ZDHHC11B: variants seen among roughly 807,000 people sequenced by gnomAD.
ZDHHC11B encodes probable palmitoyltransferase ZDHHC11B.
In ZDHHC11B, 17 loss-of-function variants were observed where a neutral mutation model predicts 42.3. The ratio of observed to expected loss-of-function variants is 0.40; its 90% CI spans 0.27 to 0.60. ZDHHC11B has a LOEUF of 0.60. Among genes scored for constraint, ZDHHC11B ranks in the 20% least tolerant of loss-of-function variants. ZDHHC11B has a pLI of 0.41. For synonymous variants in ZDHHC11B, 123 were observed against 193.5 expected, an observed-to-expected ratio of 0.64 and a Z score of 3.02; for missense variants, 262 against 463.2, an observed-to-expected ratio of 0.57 and a Z score of 3.99.
At chr5:763,537 A>G (rs543211041) in intron 4 of ZDHHC11B, among the ~76,000 whole-genome samples, 3 of 151,956 alleles carry the variant, frequency 2.0e-5, no homozygotes, top group African/African-American at 7.2e-5. Context: ...AGCCAAGTCT[A>G]GACTGAGGGG....
At chr5:712,425 G>A (rs1741439708) in intron 13 of ZDHHC11B, 143 bp from the exon 14 acceptor site, 1 of 147,780 alleles carries the variant, frequency 6.8e-6, no homozygotes, top group Non-Finnish European at 1.5e-5. Context: ...TCATCACCTT[G>A]GCTTAGACAC....
At position 767,485 on chromosome 5, in the gene ZDHHC11B, T is replaced by C. The variant is rs1034496532; in HGVS notation, c.-94A>G. 2.0e-6 allele frequency: 3 copies of C among 1,529,486 alleles called. No individual in the cohort carries two copies. In the Middle Eastern group the frequency reaches 5.2e-4, roughly 264 times the overall value. The allele number at this position is 1,529,486 out of a possible 1,614,324, so 94.7% of individuals were successfully genotyped here. On this transcript the variant is annotated 5_prime_UTR_variant, in exon 3 of 14. Transcript: ENST00000508859. ...CAAGTCGCCAAATGCTGAATTATTC[T>C]GCATCGAAAGCGCAGTAGTGGCACT...
chr5:720,480 A>T (rs1742099594), intron 12 of ZDHHC11B, among the ~76,000 whole-genome samples: 1 of 151,842 alleles, frequency 6.6e-6, no homozygotes, highest in Non-Finnish European at 1.5e-5. Context: ...ATAGACAAAA[A>T]TTGAGAGAAT....
intron 12 of ZDHHC11B, 52 bp downstream of exon 12, chr5:730,382 T>G: frequency 6.4e-7 from 1 of 1,550,556 alleles, no homozygotes; most frequent in Non-Finnish European, 8.7e-7. Context: ...TAATTTGAGT[T>G]CAGGCAAGTG....
chr5:746,295 G>T (rs1744807563), intron 8 of ZDHHC11B, among the ~76,000 whole-genome samples: 1 of 146,754 alleles, frequency 6.8e-6, no homozygotes, highest in South Asian at 2.4e-4. Flanking sequence ...GGGCACCCTG[G>T]GGAGCTGCCT....
intron 8 of ZDHHC11B, among the ~76,000 whole-genome samples, chr5:745,555 G>A (rs568962889): frequency 0.012 from 1,839 of 148,876 alleles, 28 homozygotes; most frequent in Non-Finnish European, 0.018. Context: ...AGGCCCCCCC[G>A]CCTGCCAAGG....
intron 1 of ZDHHC11B, among the ~76,000 whole-genome samples, chr5:774,886 A>T (rs577655370): frequency 1.2e-4 from 19 of 152,030 alleles, no homozygotes; most frequent in African/African-American, 4.6e-4. Context: ...TTCACTGCCC[A>T]CGCCCACGCG....
chr5:732,414 C>T, intron 11 of ZDHHC11B: 1 of 307,446 alleles, frequency 3.3e-6, no homozygotes, highest in South Asian at 2.9e-5. Flanking sequence ...TGGACAATCG[C>T]AGGCAGAGAA....
chr5:756,734 G>T (rs1268575012), intron 4 of ZDHHC11B, among the ~76,000 whole-genome samples: 1 of 151,678 alleles, frequency 6.6e-6, no homozygotes, highest in African/African-American at 2.4e-5. Context: ...CACTGGGAGA[G>T]AAGACAGCCT....
At chr5:774,357 A>G (rs1736290509) in intron 1 of ZDHHC11B, among the ~76,000 whole-genome samples, 1 of 152,192 alleles carries the variant, frequency 6.6e-6, no homozygotes, top group African/African-American at 2.4e-5. Flanking sequence ...TCCATGTGGC[A>G]TCAGTAAGCG....
At chr5:739,421 C>CAAACAAACA (rs1429722524) in intron 10 of ZDHHC11B, among the ~76,000 whole-genome samples, 12 of 150,758 alleles carry the variant, frequency 8.0e-5, no homozygotes, top group African/African-American at 2.9e-4. Context: ...AACAAACAAA[C>CAAACAAACA]AACAAAACCA....
At chr5:762,457 C>A (rs1174065481) in intron 4 of ZDHHC11B, among the ~76,000 whole-genome samples, 1 of 151,822 alleles carries the variant, frequency 6.6e-6, no homozygotes, top group African/African-American at 2.4e-5. Context: ...CCAGCTGGAC[C>A]CAGCCCATTT....
In ZDHHC11B at chr5:718,681, G is replaced by A. The variant is rs1338958674; in HGVS notation, c.1059-1816C>T. 4.9e-5 allele frequency among the ~76,000 whole-genome samples: 7 copies of A among 142,448 alleles called. 1 individual carries two copies. Among genetic ancestry groups the A allele is most frequent in the African/African-American group, 1.8e-4 (7 of 37,952 alleles). The allele number at this position is 142,448 out of a possible 152,430, so 93.5% of individuals were successfully genotyped here. A position where few individuals can be genotyped will look rare whatever the true frequency, so the allele number is the denominator to read the frequency against. On this transcript the variant is annotated intron_variant, in intron 12 of 13. Coordinates refer to ENST00000508859, the MANE Select transcript of ZDHHC11B (RefSeq NM_001351303.2). ...ACTGCACTCTAGCCTGGGCGACAGA[G>A]CGAGACTCTGTCTCAAAAAAAAAAA...
chr5:757,862 G>A (rs1734073943), intron 4 of ZDHHC11B, among the ~76,000 whole-genome samples: 1 of 151,846 alleles, frequency 6.6e-6, no homozygotes, highest in Non-Finnish European at 1.5e-5. Context: ...AACGGGGCCA[G>A]CCAGGCCCTG....
chr5:721,532 A>T (rs1407504786), intron 12 of ZDHHC11B, among the ~76,000 whole-genome samples: 1 of 151,204 alleles, frequency 6.6e-6, no homozygotes, highest in Non-Finnish European at 1.5e-5. Context: ...CGAGATATGG[A>T]GGGTCCCAGG....
At chr5:762,291 C>T (rs375346766) in intron 4 of ZDHHC11B, among the ~76,000 whole-genome samples, 1 of 151,528 alleles carries the variant, frequency 6.6e-6, no homozygotes, top group Admixed American at 6.6e-5. Flanking sequence ...ACAGCCTCAA[C>T]GGCCACTCAC....
At chr5:776,226 C>T (rs1470480563) in intron 1 of ZDHHC11B, among the ~76,000 whole-genome samples, 1 of 151,778 alleles carries the variant, frequency 6.6e-6, no homozygotes, top group Non-Finnish European at 1.5e-5. Context: ...ACGGGACCCT[C>T]TCGTGCCTGC....
intron 10 of ZDHHC11B, among the ~76,000 whole-genome samples, chr5:740,078 G>A (rs1744000579): frequency 6.9e-6 from 1 of 145,626 alleles, no homozygotes; most frequent in Non-Finnish European, 1.5e-5. Context: ...GCTAAGCTAC[G>A]AGGATGCAAA....
At chr5:759,245 CCAGAACACA>C (rs1304316797) in intron 4 of ZDHHC11B, among the ~76,000 whole-genome samples, 18 of 151,334 alleles carry the variant, frequency 1.2e-4, no homozygotes, top group African/African-American at 1.7e-4. Flanking sequence ...CAGCGCCAGC[CCAGAACACA>C]CACCCTGCGC....
Sources: gnomAD v4.1 joint callset for allele counts (sites outside exome capture counted in the v4.1 genomes callset) on GRCh38, gnomAD v4.1.1 for gene constraint, MANE v1.5 for transcripts, NCBI Gene and HGNC (gene_info 2026-07-23, HGNC 2026-07-21) for gene names.